Variants in TMEM187 observed in about 807,000 individuals in gnomAD.
TMEM187 encodes the protein chromosome X open reading frame 12.
In TMEM187, 14 loss-of-function variants were observed where a neutral mutation model predicts 11.8. The ratio of observed to expected loss-of-function variants is 1.18; its 90% CI spans 0.78 to 1.85. TMEM187 has a LOEUF of 1.85. Among genes scored for constraint, TMEM187 ranks in the 40% most tolerant of loss-of-function variants. The pLI, the probability that TMEM187 is intolerant of heterozygous loss-of-function variation, is 0.00. For synonymous variants in TMEM187, 112 were observed against 118.5 expected, an observed-to-expected ratio of 0.95 and a Z score of 0.36; for missense variants, 227 against 243.9, an observed-to-expected ratio of 0.93 and a Z score of 0.46.
In TMEM187 at chrX:153,982,356, C is replaced by T. The variant is rs782547125; in HGVS notation, c.294C>T (p.Pro98=). 1.6e-4 allele frequency: 196 copies of T among 1,204,908 alleles called. 4 individuals are homozygous for T. Among genetic ancestry groups the T allele is most frequent in the East Asian group, 1.1e-3 (36 of 33,600 alleles). Reference sequence around the variant, plus strand: ...CAGCCATGGCCCTGCTCTATGGCCCCGTGCAGTGGCTGCGCCTGTGGACGC... The same window carrying T: ...CAGCCATGGCCCTGCTCTATGGCCCTGTGCAGTGGCTGCGCCTGTGGACGC... ...VFAAMALLYG[P]VQWLRLWTQW... The change falls in exon 2 of 2, where the codon CCC becomes CCT. Residue 98 remains proline (P), a synonymous_variant. Coordinates refer to ENST00000369982, the MANE Select transcript of TMEM187 (RefSeq NM_003492.3).
intron 1 of TMEM187, among the ~76,000 whole-genome samples, chrX:153,977,962 A>C (rs1445137925): frequency 2.0e-5 from 2 of 102,089 alleles, no homozygotes; most frequent in Admixed American, 1.0e-4. Context: ...TCATGCCTGT[A>C]ATCCCAGCAC....
At chrX:153,973,684 A>C (rs888306661) in intron 1 of TMEM187, among the ~76,000 whole-genome samples, 15 of 106,147 alleles carry the variant, frequency 1.4e-4, no homozygotes, top group South Asian at 4.1e-4. Flanking sequence ...CTGTCTCAAA[A>C]ACACACACAC....
At chrX:153,974,020 C>T (rs2065567744) in intron 1 of TMEM187, among the ~76,000 whole-genome samples, 1 of 111,289 alleles carries the variant, frequency 9.0e-6, no homozygotes, top group Non-Finnish European at 1.9e-5. Flanking sequence ...GAAGCTGTGA[C>T]GAGATTTGAG....
Position 153,982,650 on chromosome X carries a change from G to C in TMEM187, c.588G>C (p.Leu196Phe), listed in dbSNP as rs1557122804. 6 of 1,212,385 alleles carry C rather than the reference G, an allele frequency of 4.9e-6. No homozygotes were observed. Among genetic ancestry groups the C allele is most frequent in the South Asian group, 3.5e-5 (2 of 57,060 alleles). ...GSTTSATYLALGVLSCLGFVV... is the reference protein window; with the variant it reads ...GSTTSATYLAFGVLSCLGFVV... ...CCACCTCGGCTACCTACTTAGCTTT[G>C]GGGGTGCTCTCTTGCCTGGGCTTTG... Residue 196 changes from leucine to phenylalanine, a missense_variant, in exon 2 of 2, where the codon TTG (leucine) becomes TTC (phenylalanine). By Grantham distance (22) the Leu-to-Phe change is conservative (BLOSUM62 0). Transcript: ENST00000369982.
At position 153,982,624 on chromosome X, in the gene TMEM187, A is replaced by T. The variant is rs941177982; in HGVS notation, c.562A>T (p.Thr188Ser). 2.5e-6 allele frequency: 3 copies of T among 1,210,947 alleles called. No individual in the cohort carries two copies. Among genetic ancestry groups the T allele is most frequent in the African/African-American group, 3.5e-5 (2 of 57,526 alleles). ...GCGCACCCACAGGCACTATGGCAGC[A>T]CCACCTCGGCTACCTACTTAGCTTT... ...ALRTHRHYGSTTSATYLALGV... is the reference protein window; with the variant it reads ...ALRTHRHYGSSTSATYLALGV... The change falls in exon 2 of 2, where the codon ACC becomes TCC. Residue 188 changes from threonine (T) to serine (S), a missense_variant. Physicochemically the swap from Thr to Ser is moderately conservative, Grantham distance 58 (BLOSUM62 1). Transcript: ENST00000369982.
chrX:153,983,028 C>T lies in TMEM187; in HGVS notation c.*180C>T. 1.1e-6 allele frequency: 1 copy of T among 935,469 alleles called. No individual in the cohort carries two copies. Among genetic ancestry groups the T allele is most frequent in the Non-Finnish European group, 1.5e-6 (1 of 672,899 alleles). 77.1% of individuals were successfully genotyped at this position (935,469 alleles called of 1,213,427 possible). A position where few individuals can be genotyped will look rare whatever the true frequency, so the allele number is the denominator to read the frequency against. On this transcript the variant is annotated 3_prime_UTR_variant, in exon 2 of 2. Coordinates refer to ENST00000369982, the MANE Select transcript of TMEM187 (RefSeq NM_003492.3). ...GAGGGGTGGAGTGCTGTGATCTCGA[C>T]AACTTACTTTCAAAGACATAAAGCA...
In TMEM187 at chrX:153,982,458, C is replaced by T; in HGVS notation, c.396C>T (p.Tyr132=). 1.7e-6 allele frequency: 2 copies of T among 1,203,784 alleles called. No individual in the cohort carries two copies. Among genetic ancestry groups the T allele is most frequent in the Non-Finnish European group, 1.1e-6 (1 of 894,473 alleles). ...IFAWPVAWCL[Y]LDRGWRPWLF... ...CATGGCCCGTGGCCTGGTGCCTCTACCTAGACCGCGGCTGGCGGCCCTGGC... is the reference window on the plus strand; with the variant it reads ...CATGGCCCGTGGCCTGGTGCCTCTATCTAGACCGCGGCTGGCGGCCCTGGC... The change falls in exon 2 of 2, where the codon TAC becomes TAT. Residue 132 remains tyrosine, a synonymous_variant. Coordinates refer to ENST00000369982, the MANE Select transcript of TMEM187 (RefSeq NM_003492.3).
At position 153,982,042 on chromosome X, in the gene TMEM187, A is replaced by G. The variant is rs782602113; in HGVS notation, c.-21A>G. The G allele has an allele frequency of 1.6e-6, 2 of 1,212,229 alleles. No homozygotes were observed. Among genetic ancestry groups the G allele is most frequent in the East Asian group, 3.0e-5 (1 of 33,861 alleles). ...GCTGCTCTCTGAAGCTCCCTGCCCC[A>G]GGTCACGCCGCCGGTTCCAGATGAA... On this transcript the variant is annotated 5_prime_UTR_variant, in exon 2 of 2. Coordinates refer to ENST00000369982, the MANE Select transcript of TMEM187 (RefSeq NM_003492.3).
intron 1 of TMEM187, among the ~76,000 whole-genome samples, chrX:153,975,935 G>A (rs4898374): frequency 2.7e-5 from 3 of 109,499 alleles, no homozygotes; most frequent in Non-Finnish European, 5.7e-5. Flanking sequence ...GTGAGCCACC[G>A]CGCTGGCCTC....
chrX:153,976,969 G>A (rs932129895), intron 1 of TMEM187, among the ~76,000 whole-genome samples: 2 of 112,758 alleles, frequency 1.8e-5, no homozygotes, highest in Non-Finnish European at 1.9e-5. Context: ...GATAAATATT[G>A]TATGTGTTAA....
intron 1 of TMEM187, among the ~76,000 whole-genome samples, chrX:153,975,629 CTTTTTTTTTTTTTTT>C (rs58423366): frequency 2.4e-4 from 4 of 16,651 alleles, no homozygotes; most frequent in Non-Finnish European, 3.2e-4. Flanking sequence ...CACACCCAGC[CTTTTTTTTTTTTTTT>C]TTTTTTTTTT....
chrX:153,976,071 C>G (rs2065576755), intron 1 of TMEM187, among the ~76,000 whole-genome samples: 1 of 111,406 alleles, frequency 9.0e-6, no homozygotes, highest in South Asian at 3.7e-4. Context: ...CCAATTTTCC[C>G]AGTGCCATTT....
intron 1 of TMEM187, among the ~76,000 whole-genome samples, chrX:153,977,867 A>G (rs1180223129): frequency 4.6e-5 from 5 of 109,117 alleles, no homozygotes; most frequent in African/African-American, 1.7e-4. Context: ...GTGAGGCAAG[A>G]TCACACCACT....
chrX:153,973,237 CAA>C (rs2065561676), intron 1 of TMEM187, among the ~76,000 whole-genome samples: 1 of 112,664 alleles, frequency 8.9e-6, no homozygotes, highest in Admixed American at 9.3e-5. Context: ...ACATTTTCAA[CAA>C]TATTTTTAAA....
At chrX:153,975,959 A>C (rs2065576358) in intron 1 of TMEM187, among the ~76,000 whole-genome samples, 1 of 110,486 alleles carries the variant, frequency 9.1e-6, no homozygotes, top group Admixed American at 9.7e-5. Context: ...TAGTAGCTTT[A>C]TAGTTTCAGG....
At chrX:153,973,492 G>A (rs1557120998) in intron 1 of TMEM187, among the ~76,000 whole-genome samples, 1 of 112,336 alleles carries the variant, frequency 8.9e-6, no homozygotes, top group African/African-American at 3.2e-5. Context: ...GGAAGGCTGA[G>A]GTGGGAGGAT....
Position 153,981,865 on chromosome X carries a change from T to G in TMEM187, c.-198T>G. The G allele has an allele frequency of 1.5e-6, 1 of 685,673 alleles. No homozygotes were observed. Among genetic ancestry groups the G allele is most frequent in the Non-Finnish European group, 2.2e-6 (1 of 463,008 alleles). The allele number at this position is 685,673 out of a possible 1,213,427, so 56.5% of individuals were successfully genotyped here. On this transcript the variant is annotated 5_prime_UTR_variant, in exon 2 of 2. Coordinates refer to ENST00000369982, the MANE Select transcript of TMEM187 (RefSeq NM_003492.3). Reference sequence around the variant, plus strand: ...AACCACAAAGGAAAAAGGCAGAACGTTCCTCCGCTGGCGCCAGCCAATCAG... The same window carrying G: ...AACCACAAAGGAAAAAGGCAGAACGGTCCTCCGCTGGCGCCAGCCAATCAG...
At chrX:153,975,152 C>G (rs955066763) in intron 1 of TMEM187, among the ~76,000 whole-genome samples, 4 of 111,174 alleles carry the variant, frequency 3.6e-5, no homozygotes, top group African/African-American at 9.8e-5. Flanking sequence ...CCTATATTGT[C>G]TCTTCATTGT....
chrX:153,979,081 C>G (rs1557121944), intron 1 of TMEM187, among the ~76,000 whole-genome samples: 4 of 112,299 alleles, frequency 3.6e-5, no homozygotes, highest in African/African-American at 1.3e-4. Context: ...AGCCACCGTG[C>G]CCGGCCTAAT....
Sources: allele counts gnomAD v4.1 joint callset (sites outside exome capture counted in the v4.1 genomes callset), GRCh38; gene constraint gnomAD v4.1.1; transcripts MANE v1.5; gene names NCBI Gene and HGNC (gene_info 2026-07-23, HGNC 2026-07-21).